JAM3: variants seen among roughly 807,000 people sequenced by gnomAD.
JAM3 encodes junctional adhesion molecule 3.
JAM3 carries 31 observed loss-of-function variants against 39.4 expected under a neutral mutation model. That is an observed-to-expected ratio of 0.79 (90% CI 0.59 to 1.06). The LOEUF is 1.06. Ranked by LOEUF, JAM3 falls within the 50% of genes least tolerant of loss-of-function variation. The probability of loss-of-function intolerance (pLI) is 0.00; values close to 1 mark genes in which losing one functional copy is unlikely to be tolerated. For missense variants in JAM3, 455 were observed against 391.4 expected, an observed-to-expected ratio of 1.16 and a Z score of -1.37; for synonymous variants, 182 against 148.7, an observed-to-expected ratio of 1.22 and a Z score of -1.63.
intron 1 of JAM3, among the ~76,000 whole-genome samples, chr11:134,077,628 T>C (rs1258713231): frequency 6.7e-6 from 1 of 149,578 alleles, no homozygotes; most frequent in Non-Finnish European, 1.5e-5. Context: ...CCTCCTAAAG[T>C]GCAAGCCACC....
At chr11:134,112,603 C>A (rs559335418) in intron 1 of JAM3, among the ~76,000 whole-genome samples, 16 of 152,300 alleles carry the variant, frequency 1.1e-4, no homozygotes, top group African/African-American at 3.6e-4. Context: ...AAGTTCCTTA[C>A]CAACACTGAA....
intron 1 of JAM3, among the ~76,000 whole-genome samples, chr11:134,124,994 C>CCT (rs1942617269): frequency 6.9e-6 from 1 of 144,606 alleles, no homozygotes; most frequent in African/African-American, 2.9e-5. Flanking sequence ...GGCGACGACA[C>CCT]CCCCCAGCCT....
intron 1 of JAM3, among the ~76,000 whole-genome samples, chr11:134,083,387 T>A (rs868636601): frequency 1.3e-5 from 2 of 152,196 alleles, no homozygotes; most frequent in Non-Finnish European, 2.9e-5. Flanking sequence ...ATTTGGACTT[T>A]ATGGAAGCCA....
intron 3 of JAM3, among the ~76,000 whole-genome samples, chr11:134,142,399 ATGT>A (rs1326704084): frequency 1.3e-5 from 2 of 152,230 alleles, no homozygotes; most frequent in African/African-American, 2.4e-5. Context: ...CCATTCGAAA[ATGT>A]TGTTGCCAAC....
At chr11:134,126,872 G>T (rs1293075042) in intron 1 of JAM3, among the ~76,000 whole-genome samples, 1 of 152,162 alleles carries the variant, frequency 6.6e-6, no homozygotes, top group East Asian at 1.9e-4. Flanking sequence ...TGGCCTTAAG[G>T]ATAATAATAA....
rs79495799 is a variant in JAM3 at position 134,093,284 on chromosome 11, G to A, written c.76+24125G>A. Among the ~76,000 whole-genome samples the A allele has an allele frequency of 2.8e-4, 29 of 102,160 alleles. 3 individuals are homozygous for A. In the East Asian group the frequency reaches 7.0e-3, roughly 25 times the overall value. 67.0% of individuals were successfully genotyped at this position (102,160 alleles called of 152,430 possible). A position where few individuals can be genotyped will look rare whatever the true frequency, so the allele number is the denominator to read the frequency against. On this transcript the variant is annotated intron_variant, in intron 1 of 8. Coordinates refer to ENST00000299106, the MANE Select transcript of JAM3 (RefSeq NM_032801.5). ...AGCTTCTCCTGAAACCTCCTTATTC[G>A]TCATGTTCCACCTTACATCTTATTC...
chr11:134,109,343 T>TA (rs1774186869), intron 1 of JAM3, among the ~76,000 whole-genome samples: 1 of 152,172 alleles, frequency 6.6e-6, no homozygotes, highest in South Asian at 2.1e-4. Flanking sequence ...TAAAAAAAAT[T>TA]AGGAAGAAGT....
Position 134,146,041 on chromosome 11 carries a change from A to C in JAM3, c.708A>C (p.Glu236Asp). Residue 236 changes from glutamate to aspartate, a missense_variant, in exon 6 of 9, where the codon GAA becomes GAC. Transcript: ENST00000299106. Reference sequence around the variant, plus strand: ...CCAGGTGTGAGGAGCAGGAGATGGAAGTCTGTGAGTTTCTTTTTTGAAGAG... The same window carrying C: ...CCAGGTGTGAGGAGCAGGAGATGGACGTCTGTGAGTTTCTTTTTTGAAGAG... ...GSARCEEQEM[E>D]VYDLNIGGII... The C allele has an allele frequency of 6.2e-7, 1 of 1,609,778 alleles. No individual in the cohort carries two copies. The highest frequency in any genetic ancestry group is 1.1e-5 in the South Asian group (1 of 90,996).
chr11:134,145,141 A>G, intron 5 of JAM3, 147 bp downstream of exon 5: 1 of 729,790 alleles, frequency 1.4e-6, no homozygotes, highest in Admixed American at 2.1e-5. Flanking sequence ...TACAGGAAAA[A>G]TGACCCTTCT....
intron 1 of JAM3, among the ~76,000 whole-genome samples, chr11:134,087,805 G>T (rs140005046): frequency 6.6e-6 from 1 of 152,130 alleles, no homozygotes; most frequent in Non-Finnish European, 1.5e-5. Flanking sequence ...GGACATATAG[G>T]TTCTAGAATC....
At chr11:134,099,674 T>A (rs1394103424) in intron 1 of JAM3, among the ~76,000 whole-genome samples, 1 of 152,212 alleles carries the variant, frequency 6.6e-6, no homozygotes, top group Admixed American at 6.5e-5. Context: ...TGGTGCGATC[T>A]TGGGTCACTG....
Position 134,096,577 on chromosome 11 carries a change from G to T in JAM3, c.76+27418G>T, listed in dbSNP as rs371681076. Among the ~76,000 whole-genome samples, 32 of 152,236 alleles carry T rather than the reference G, an allele frequency of 2.1e-4. 1 individual carries two copies. The South Asian group carries it at 4.2e-3, about 20-fold the overall frequency. On this transcript the variant is annotated intron_variant, in intron 1 of 8. Coordinates refer to ENST00000299106, the MANE Select transcript of JAM3 (RefSeq NM_032801.5). Reference sequence around the variant, plus strand: ...CAGTTGTTTGGGCAGATGTTTACTAGGGACTCTAATCACCTGCTCTTCACC... The same window carrying T: ...CAGTTGTTTGGGCAGATGTTTACTATGGACTCTAATCACCTGCTCTTCACC...
intron 1 of JAM3, among the ~76,000 whole-genome samples, chr11:134,125,483 G>A (rs1267005238): frequency 6.6e-6 from 1 of 152,058 alleles, no homozygotes; most frequent in African/African-American, 2.4e-5. Context: ...TTTTAATATT[G>A]TATTTCTTCT....
chr11:134,103,629 G>A (rs966019885), intron 1 of JAM3, among the ~76,000 whole-genome samples: 6 of 152,042 alleles, frequency 3.9e-5, no homozygotes, highest in African/African-American at 1.2e-4. Context: ...TATCATGTGC[G>A]GAGACACACA....
At chr11:134,107,483 AATAT>A (rs927196640) in intron 1 of JAM3, among the ~76,000 whole-genome samples, 6 of 152,148 alleles carry the variant, frequency 3.9e-5, no homozygotes, top group East Asian at 1.9e-4. Flanking sequence ...AAGTATAAAA[AATAT>A]ATATAAATAG....
At chr11:134,088,750 T>TCA in intron 1 of JAM3, among the ~76,000 whole-genome samples, 1 of 151,820 alleles carries the variant, frequency 6.6e-6, no homozygotes, top group East Asian at 1.9e-4. Context: ...GGTCTGCACA[T>TCA]TAACACACCT....
At chr11:134,133,950 C>T (rs1391203074) in intron 1 of JAM3, among the ~76,000 whole-genome samples, 1 of 152,092 alleles carries the variant, frequency 6.6e-6, no homozygotes, top group Non-Finnish European at 1.5e-5. Context: ...AATTATCAGA[C>T]TGGGCATTTA....
chr11:134,118,219 G>T (rs1429295424), intron 1 of JAM3, among the ~76,000 whole-genome samples: 1 of 152,154 alleles, frequency 6.6e-6, no homozygotes, highest in African/African-American at 2.4e-5. Context: ...TCTAAGATGG[G>T]TCTCATGGCA....
chr11:134,124,148 G>T, intron 1 of JAM3: 1 of 1,466,230 alleles, frequency 6.8e-7, no homozygotes, highest in Non-Finnish European at 9.5e-7. Flanking sequence ...CTAGAAGGTG[G>T]ATTCCTTCTT....
Sources: allele counts gnomAD v4.1 joint callset (sites outside exome capture counted in the v4.1 genomes callset), GRCh38; gene constraint gnomAD v4.1.1; transcripts MANE v1.5; gene names NCBI Gene and HGNC (gene_info 2026-07-23, HGNC 2026-07-21).